The following MTHFD2L variants were observed in gnomAD, a reference collection of about 807,000 sequenced individuals.
MTHFD2L encodes bifunctional methylenetetrahydrofolate dehydrogenase/cyclohydrolase 2, mitochondrial.
Under a neutral mutation model 34.9 loss-of-function variants are expected in MTHFD2L, and 29 were observed. The ratio of observed to expected loss-of-function variants is 0.83; its 90% confidence interval spans 0.62 to 1.13. MTHFD2L has a LOEUF of 1.13. Among genes scored for constraint, MTHFD2L ranks in the 50% most tolerant of loss-of-function variants. The probability of loss-of-function intolerance (pLI) is 0.00; values close to 1 mark genes in which losing one functional copy is unlikely to be tolerated. For missense variants in MTHFD2L, 481 were observed against 446.5 expected, an observed-to-expected ratio of 1.08 and a Z score of -0.70; for synonymous variants, 167 against 155.7, an observed-to-expected ratio of 1.07 and a Z score of -0.54.
chr4:74,301,328 C>T (rs1484762480), intron 7 of MTHFD2L, among the ~76,000 whole-genome samples: 1 of 152,040 alleles, frequency 6.6e-6, no homozygotes, highest in Admixed American at 6.6e-5. Context: ...TTTCTATATT[C>T]TATGTCCCTG....
chr4:74,150,746 C>G (rs911613726), intron 1 of MTHFD2L, among the ~76,000 whole-genome samples: 7 of 151,964 alleles, frequency 4.6e-5, no homozygotes, highest in Non-Finnish European at 8.8e-5. Context: ...TAAAAAGATA[C>G]AGGTATACAT....
intron 7 of MTHFD2L, among the ~76,000 whole-genome samples, chr4:74,299,877 T>C (rs560595630): frequency 2.0e-5 from 3 of 152,128 alleles, no homozygotes; most frequent in Non-Finnish European, 2.9e-5. Flanking sequence ...ATTGGAAATA[T>C]AGATGGTGGG....
At chr4:74,198,772 A>G (rs1033061935) in intron 3 of MTHFD2L, among the ~76,000 whole-genome samples, 10 of 152,158 alleles carry the variant, frequency 6.6e-5, no homozygotes, top group Admixed American at 3.3e-4. Flanking sequence ...AAAACTATTG[A>G]ATGGAGAGAC....
rs1745872723 is a variant in MTHFD2L, at chr4:74,270,749, G to A, written c.806-10676G>A. Among the ~76,000 whole-genome samples, 3 of 152,220 alleles carry A rather than the reference G, an allele frequency of 2.0e-5. 1 individual carries two copies. Among genetic ancestry groups the A allele is most frequent in the Admixed American group, 2.0e-4 (3 of 15,286 alleles). ...TAGATACCTGAGGAATAGCCACACT[G>A]TCTTCCACAGTGGTTGAACTAGTTT... On this transcript the variant is annotated intron_variant, in intron 6 of 7. Transcript: ENST00000325278.
At chr4:74,196,508 G>T (rs1407166934) in intron 3 of MTHFD2L, among the ~76,000 whole-genome samples, 1 of 152,232 alleles carries the variant, frequency 6.6e-6, no homozygotes, top group Non-Finnish European at 1.5e-5. Flanking sequence ...TTATCCAACA[G>T]ATGTGGGGGA....
At chr4:74,204,136 T>G (rs1734916679) in intron 5 of MTHFD2L, among the ~76,000 whole-genome samples, 1 of 152,076 alleles carries the variant, frequency 6.6e-6, no homozygotes, top group Non-Finnish European at 1.5e-5. Flanking sequence ...GTTCTGACTT[T>G]GTGGTTAAGA....
intron 2 of MTHFD2L, among the ~76,000 whole-genome samples, chr4:74,115,629 C>T (rs1166153261): frequency 3.9e-5 from 6 of 152,352 alleles, no homozygotes; most frequent in African/African-American, 1.4e-4. Flanking sequence ...ATGAAGAGTG[C>T]TTTGCTTTCC....
At chr4:74,278,290 C>G (rs1301820618) in intron 6 of MTHFD2L, among the ~76,000 whole-genome samples, 1 of 151,998 alleles carries the variant, frequency 6.6e-6, no homozygotes, top group Non-Finnish European at 1.5e-5. Flanking sequence ...ATCTGGAGAC[C>G]ATCTTAGTTT....
chr4:74,245,502 G>T (rs1168009584), intron 6 of MTHFD2L, among the ~76,000 whole-genome samples: 1 of 151,574 alleles, frequency 6.6e-6, no homozygotes, highest in Non-Finnish European at 1.5e-5. Context: ...TATACTTTAA[G>T]TTTTAGGGTA....
chr4:74,301,769 TGAA>T lies in MTHFD2L; in HGVS notation c.1008_1010del (p.Lys336del). The T allele has an allele frequency of 6.2e-7, 1 of 1,608,344 alleles. No individual in the cohort carries two copies. The highest frequency in any genetic ancestry group is 8.5e-7 in the Non-Finnish European group (1 of 1,176,866). ...GGACCCATGACAGTGGCAATGCTTC[TGAA>T]GAACACCCTTCTGGCAGCTAAAAAA... On this transcript the variant is annotated inframe_deletion, in exon 8 of 8. Transcript: ENST00000325278.
At chr4:74,201,660 C>T (rs956809698) in intron 5 of MTHFD2L, among the ~76,000 whole-genome samples, 1 of 150,910 alleles carries the variant, frequency 6.6e-6, no homozygotes, top group Admixed American at 6.6e-5. Flanking sequence ...AAAAGATTCA[C>T]ATGCCCTCAG....
intron 1 of MTHFD2L, among the ~76,000 whole-genome samples, chr4:74,145,252 A>C (rs1003389398): frequency 8.5e-5 from 13 of 152,176 alleles, no homozygotes; most frequent in Non-Finnish European, 1.5e-4. Flanking sequence ...TTAAAAAGGC[A>C]ATCAAAATAA....
chr4:74,285,045 A>G (rs985350478), intron 7 of MTHFD2L, among the ~76,000 whole-genome samples: 5 of 152,178 alleles, frequency 3.3e-5, no homozygotes, highest in African/African-American at 4.8e-5. Flanking sequence ...TTGTAGGGAC[A>G]TGGATGAATC....
At chr4:74,222,896 A>C (rs1046847188) in intron 5 of MTHFD2L, among the ~76,000 whole-genome samples, 1 of 152,026 alleles carries the variant, frequency 6.6e-6, no homozygotes, top group African/African-American at 2.4e-5. Flanking sequence ...ATCTCACACC[A>C]CAGTCAGAAT....
intron 6 of MTHFD2L, among the ~76,000 whole-genome samples, chr4:74,230,481 T>A (rs754754739): frequency 6.7e-6 from 1 of 150,208 alleles, no homozygotes; most frequent in African/African-American, 2.5e-5. Context: ...TCCCAGCTAC[T>A]CAAGAGGCTG....
intron 3 of MTHFD2L, among the ~76,000 whole-genome samples, chr4:74,189,489 T>C (rs200400771): frequency 0.61 from 71,817 of 117,838 alleles, 23,362 homozygotes; most frequent in East Asian, 0.81. Flanking sequence ...TTCTTCCTTT[T>C]TTTTTTTTTT....
rs1169021073 is a variant in MTHFD2L, at chr4:74,185,151, CAAAAAA to C, written c.451+9771_451+9776del. ...TGGGCGACAGAGCGAGACTCCATCT[CAAAAAA>C]AAAAAAAAAAAAAAAAAAAAAATCT... On this transcript the variant is annotated intron_variant, in intron 3 of 7. Coordinates refer to ENST00000325278, the MANE Select transcript of MTHFD2L (RefSeq NM_001144978.3). 1.9e-4 allele frequency among the ~76,000 whole-genome samples: 3 copies of C among 15,982 alleles called. No individual in the cohort carries two copies. In the East Asian group the frequency reaches 6.6e-3, roughly 35 times the overall value. 10.5% of individuals were successfully genotyped at this position (15,982 alleles called of 152,430 possible). A position where few individuals can be genotyped will look rare whatever the true frequency, so the allele number is the denominator to read the frequency against.
intron 6 of MTHFD2L, among the ~76,000 whole-genome samples, chr4:74,238,929 G>A (rs573773402): frequency 1.9e-4 from 29 of 152,286 alleles, no homozygotes; most frequent in African/African-American, 7.0e-4. Context: ...CAGTATGGTG[G>A]TTCCTCAAGG....
chr4:74,289,271 T>C (rs1423545041), intron 7 of MTHFD2L, among the ~76,000 whole-genome samples: 19 of 152,180 alleles, frequency 1.2e-4, no homozygotes, highest in Admixed American at 1.2e-3. Context: ...GGAAGGCTTA[T>C]GCTAACCTGA....
Sources: gnomAD v4.1 joint callset for allele counts (sites outside exome capture counted in the v4.1 genomes callset) on GRCh38, gnomAD v4.1.1 for gene constraint, MANE v1.5 for transcripts, NCBI Gene and HGNC (gene_info 2026-07-23, HGNC 2026-07-21) for gene names.